UCK2: variants seen among roughly 807,000 people sequenced by gnomAD.
UCK2 encodes cytidine monophosphokinase 2.
Under a neutral mutation model 30.8 loss-of-function variants are expected in UCK2, and 6 were observed. That is an observed-to-expected ratio of 0.19 (90% CI 0.11 to 0.38). UCK2 has a LOEUF of 0.38. Among genes scored for constraint, UCK2 ranks in the 10% least tolerant of loss-of-function variants. UCK2 has a pLI of 1.00. For missense variants in UCK2, 210 were observed against 339.8 expected (o/e 0.62, Z 3.00); for synonymous variants, 125 against 133.6 (o/e 0.94, Z 0.45).
At chr1:165,830,863 A>G (rs560891061) in intron 1 of UCK2, among the ~76,000 whole-genome samples, 107 of 151,644 alleles carry the variant, frequency 7.1e-4, no homozygotes, top group African/African-American at 2.5e-3. Context: ...GTGAGACCCC[A>G]TCTGTATAAA....
At chr1:165,828,178 C>T (rs1653942968) in intron 1 of UCK2, among the ~76,000 whole-genome samples, 1 of 152,088 alleles carries the variant, frequency 6.6e-6, no homozygotes, top group Non-Finnish European at 1.5e-5. Context: ...GGGAGTGCTC[C>T]TCCGGCTTTT....
In UCK2 at chr1:165,851,011, C is replaced by G. The variant is rs547524747; in HGVS notation, c.99+23079C>G. On this transcript the variant is annotated intron_variant, in intron 1 of 6. Transcript: ENST00000367879. ...ACTCCTGGGCTCAAGCAATCCTCCC[C>G]CTTTGCCCTCCCAGAGTGCTGGGAT... 1.1e-3 allele frequency among the ~76,000 whole-genome samples: 162 copies of G among 150,432 alleles called. 2 individuals are homozygous for G. The Middle Eastern group carries it at 0.031, about 29-fold the overall frequency.
At chr1:165,869,877 T>G (rs780757738) in intron 1 of UCK2, among the ~76,000 whole-genome samples, 1 of 152,130 alleles carries the variant, frequency 6.6e-6, no homozygotes, top group Non-Finnish European at 1.5e-5. Flanking sequence ...TCTTGAGCTC[T>G]CAGCCTCAAG....
chr1:165,866,595 C>T (rs1172265525), intron 1 of UCK2, among the ~76,000 whole-genome samples: 1 of 152,164 alleles, frequency 6.6e-6, no homozygotes, highest in African/African-American at 2.4e-5. Flanking sequence ...TGTTGTTATA[C>T]AACCGTCACC....
intron 1 of UCK2, among the ~76,000 whole-genome samples, chr1:165,882,451 C>T (rs775667697): frequency 7.9e-5 from 12 of 152,144 alleles, no homozygotes; most frequent in Admixed American, 2.0e-4. Context: ...AGATAGTGTA[C>T]CTCATTATTT....
chr1:165,855,564 C>A (rs1157952356), intron 1 of UCK2, among the ~76,000 whole-genome samples: 1 of 150,130 alleles, frequency 6.7e-6, no homozygotes, highest in African/African-American at 2.5e-5. Flanking sequence ...GACTGAGACC[C>A]ACATAACATC....
At chr1:165,857,837 C>T (rs994425231) in intron 1 of UCK2, among the ~76,000 whole-genome samples, 9 of 152,146 alleles carry the variant, frequency 5.9e-5, no homozygotes, top group Admixed American at 3.9e-4. Context: ...TCCCTTTTAC[C>T]CCTCTCAACG....
chr1:165,890,490 T>C, intron 2 of UCK2, 127 bp downstream of exon 2: 1 of 928,016 alleles, frequency 1.1e-6, no homozygotes, highest in South Asian at 1.6e-5. Context: ...AGGGACTTGA[T>C]AACTACCTTG....
chr1:165,881,515 A>G (rs1025484814), intron 1 of UCK2, among the ~76,000 whole-genome samples: 3 of 152,238 alleles, frequency 2.0e-5, no homozygotes, highest in Admixed American at 6.5e-5. Flanking sequence ...CTTTGAAGAC[A>G]GGCTCAACTG....
intron 3 of UCK2, among the ~76,000 whole-genome samples, chr1:165,893,164 A>T (rs1201018819): frequency 2.0e-5 from 3 of 152,220 alleles, no homozygotes; most frequent in African/African-American, 7.2e-5. Context: ...GGAACTGAGC[A>T]TGGTTGACAG....
At chr1:165,835,358 AG>A (rs1268129024) in intron 1 of UCK2, among the ~76,000 whole-genome samples, 2 of 145,990 alleles carry the variant, frequency 1.4e-5, no homozygotes, top group Admixed American at 1.3e-4. Flanking sequence ...TTTTAAAATT[AG>A]TTATTATTAT....
rs532437825 is a variant in UCK2 at position 165,911,200 on chromosome 1, C to T, written c.*3377C>T. Reference sequence around the variant, plus strand: ...AGGTGGGTTATGCGGTTCAGGACTGCTTCTGGAAGGGACTGCCTGTACTTC... The same window carrying T: ...AGGTGGGTTATGCGGTTCAGGACTGTTTCTGGAAGGGACTGCCTGTACTTC... On this transcript the variant is annotated 3_prime_UTR_variant, in exon 7 of 7. Transcript: ENST00000367879. The T allele has an allele frequency of 2.0e-5, 3 of 152,416 alleles. No homozygotes were observed. The South Asian group carries it at 6.2e-4, about 32-fold the overall frequency. The allele number at this position is 152,416 out of a possible 1,614,324, so 9.4% of individuals were successfully genotyped here.
chr1:165,828,062 G>A, intron 1 of UCK2, 130 bp downstream of exon 1: 1 of 561,416 alleles, frequency 1.8e-6, no homozygotes, highest in Non-Finnish European at 2.4e-6. Context: ...TCCCGGCCGC[G>A]CTCCAGCGCC....
intron 1 of UCK2, among the ~76,000 whole-genome samples, chr1:165,829,268 A>AT (rs2101844938): frequency 6.6e-6 from 1 of 152,322 alleles, no homozygotes; most frequent in South Asian, 2.1e-4. Flanking sequence ...TTTTAAAAAA[A>AT]TTTGTAATTT....
At chr1:165,851,825 G>A (rs914496287) in intron 1 of UCK2, among the ~76,000 whole-genome samples, 9 of 152,068 alleles carry the variant, frequency 5.9e-5, no homozygotes, top group East Asian at 1.9e-4. Context: ...TTGCACTTAC[G>A]AGTGAGAATA....
chr1:165,896,489 G>A (rs1647264690), intron 4 of UCK2, among the ~76,000 whole-genome samples, 157 bp downstream of exon 4: 1 of 152,220 alleles, frequency 6.6e-6, no homozygotes, highest in African/African-American at 2.4e-5. Context: ...CGTCAGTCCA[G>A]CCCCAGGATA....
At chr1:165,856,021 G>T (rs1471393507) in intron 1 of UCK2, among the ~76,000 whole-genome samples, 2 of 152,122 alleles carry the variant, frequency 1.3e-5, no homozygotes, top group Non-Finnish European at 2.9e-5. Flanking sequence ...AATAAAATGT[G>T]AAAATAGGTA....
chr1:165,834,319 C>T lies in UCK2; in HGVS notation c.99+6387C>T, dbSNP rs181782613. 1.6e-4 allele frequency among the ~76,000 whole-genome samples: 24 copies of T among 152,232 alleles called. No individual in the cohort carries two copies. The South Asian group carries it at 4.6e-3, about 29-fold the overall frequency. On this transcript the variant is annotated intron_variant, in intron 1 of 6. Transcript: ENST00000367879. ...GTTATGCTATGGCTTTTCCTTAAAA[C>T]GAGCTAGAAAATTTTCATCCTGTAG... is the stretch of plus-strand genomic sequence containing the variant.
At chr1:165,843,913 G>C (rs1204554068) in intron 1 of UCK2, among the ~76,000 whole-genome samples, 1 of 151,874 alleles carries the variant, frequency 6.6e-6, no homozygotes, top group Non-Finnish European at 1.5e-5. Flanking sequence ...AAATAATTTT[G>C]CACGTGTTTA....
Sources: allele counts gnomAD v4.1 joint callset (sites outside exome capture counted in the v4.1 genomes callset), GRCh38; gene constraint gnomAD v4.1.1; transcripts MANE v1.5; gene names NCBI Gene and HGNC (gene_info 2026-07-23, HGNC 2026-07-21).